The following MAGIX variants were observed in gnomAD, a reference collection of about 807,000 sequenced individuals.
MAGIX encodes MAGI family member, X-linked.
In MAGIX, 13 loss-of-function variants were observed where a neutral mutation model predicts 10.0. The observed-to-expected ratio is 1.30, with a 90% confidence interval of 0.84 to 2.06. MAGIX has a LOEUF of 2.06. Among genes scored for constraint, MAGIX ranks in the 30% most tolerant of loss-of-function variants. The pLI, the probability that MAGIX is intolerant of heterozygous loss-of-function variation, is 0.00. For missense variants in MAGIX, 235 were observed against 245.2 expected, an observed-to-expected ratio of 0.96 and a Z score of 0.28; for synonymous variants, 108 against 106.8, an observed-to-expected ratio of 1.01 and a Z score of -0.07.
intron 2 of MAGIX, 107 bp from the exon 3 acceptor site, chrX:49,164,600 G>A: frequency 1.5e-6 from 1 of 687,307 alleles, no homozygotes; most frequent in Non-Finnish European, 2.3e-6. Context: ...ATGAGCTGCA[G>A]GGGCAAGACA....
At chrX:49,166,824 C>A (rs782348330) in exon 5 of MAGIX, 29 of 130,858 alleles carry the variant, frequency 2.2e-4, no homozygotes, top group Non-Finnish European at 1.2e-4. Flanking sequence ...GTCTCCTGCT[C>A]CTCTCCTTAT....
intron 1 of MAGIX, 43 bp from the exon 2 acceptor site, chrX:49,163,740 C>G (rs200809649): frequency 1.9e-5 from 19 of 996,581 alleles, no homozygotes; most frequent in Middle Eastern, 4.2e-4. Context: ...AGGGGTTGGC[C>G]GAGGCCGAGG....
rs1180464378 is a variant in MAGIX at position 49,165,077 on chromosome X, G to T, written c.317G>T (p.Cys106Phe). The stretch of plus-strand genomic sequence containing the variant: ...CTGAAGGATGGCCCAGCACAGCGCT[G>T]TGGTCGTTTGGAGGTGAGCCCTGAA... Residue 106 changes from cysteine (C) to phenylalanine (F), a missense_variant, in exon 3 of 5, where the codon TGT becomes TTT. Transcript: ENST00000616266. 12 of 1,204,169 alleles carry T rather than the reference G, an allele frequency of 1.0e-5. No individual in the cohort carries two copies. The African/African-American group carries it at 1.9e-4, about 19-fold the overall frequency.
At chrX:49,166,757 A>G (rs1213351974) in exon 5 of MAGIX, 15 of 181,896 alleles carry the variant, frequency 8.2e-5, no homozygotes, top group Middle Eastern at 1.7e-3. Context: ...CTGCTTGCAC[A>G]TGTTATCTTT....
rs1232551902 is a variant in MAGIX at position 49,164,115 on chromosome X, G to A, written c.-55+186G>A. ...TTGGGGTTATTCTAGCATATTCCTT[G>A]AGGGTTATTGCAGTCGGCGAGGGCT... is the stretch of plus-strand genomic sequence containing the variant. On this transcript the variant is annotated intron_variant, in intron 2 of 4. Coordinates refer to ENST00000616266, the Ensembl canonical transcript of MAGIX. 4.0e-5 allele frequency: 14 copies of A among 353,102 alleles called. No homozygotes were observed. The East Asian group carries it at 7.0e-4, about 18-fold the overall frequency. 29.1% of individuals were successfully genotyped at this position (353,102 alleles called of 1,213,427 possible). A position where few individuals can be genotyped will look rare whatever the true frequency, so the allele number is the denominator to read the frequency against.
rs782467623 is a variant in MAGIX at position 49,163,776 on chromosome X, C to A, written c.-201-7C>A. The A allele has an allele frequency of 3.5e-5, 36 of 1,042,674 alleles. No individual in the cohort carries two copies. In the Admixed American group the frequency reaches 1.5e-3, roughly 43 times the overall value. 85.9% of individuals were successfully genotyped at this position (1,042,674 alleles called of 1,213,427 possible). A position where few individuals can be genotyped will look rare whatever the true frequency, so the allele number is the denominator to read the frequency against. The stretch of plus-strand genomic sequence containing the variant: ...GTCGGCGTTGACCTGTCCCCTCTTG[C>A]GCGCAGGCCGCGGCCCCTCCCCGCT... On this transcript the variant is annotated splice_polypyrimidine_tract_variant and splice_region_variant and intron_variant, in intron 1 of 4. Transcript: ENST00000616266.
rs782653736 is a variant in MAGIX at position 49,166,078 on chromosome X, G to A, written c.507G>A (p.Pro169=). Residue 169 remains proline (P), a synonymous_variant, in exon 5 of 5, where the codon CCG becomes CCA. Coordinates refer to ENST00000616266, the Ensembl canonical transcript of MAGIX. ...ACCACCCAATCTAATCCGTAGTCCC[G>A]TCATGGCCAGATCGCAGCCCAGATC... 9 of 1,208,549 alleles carry A rather than the reference G, an allele frequency of 7.4e-6. 1 individual carries two copies. In the African/African-American group the frequency reaches 1.4e-4, roughly 19 times the overall value.
At chrX:49,164,881 T>A in exon 3 of MAGIX, 5 of 1,212,016 alleles carry the variant, frequency 4.1e-6, no homozygotes, top group Non-Finnish European at 5.6e-6. Flanking sequence ...GTTAGAGACA[T>A]GTAACGCACC....
chrX:49,162,898 G>A, intron 1 of MAGIX: 1 of 892,766 alleles, frequency 1.1e-6, no homozygotes, highest in Admixed American at 4.1e-5. Flanking sequence ...CCATGGAGCC[G>A]CGCACAGGGG....
exon 5 of MAGIX, chrX:49,167,603 AGAGCTGG>A (rs2065376313): frequency 8.9e-6 from 1 of 112,698 alleles, no homozygotes; most frequent in Non-Finnish European, 1.9e-5. Flanking sequence ...ACAAGCTGCG[AGAGCTGG>A]GAGCTGGAGG....
exon 3 of MAGIX, chrX:49,164,992 C>T (rs2147862433): frequency 8.3e-7 from 1 of 1,210,844 alleles, no homozygotes; most frequent in Admixed American, 2.2e-5. Flanking sequence ...AGGCTTTGGC[C>T]TCACCTTAGG....
At chrX:49,162,873 C>T in intron 1 of MAGIX, 1 of 902,225 alleles carries the variant, frequency 1.1e-6, no homozygotes, top group African/African-American at 2.1e-5. Context: ...CTGCGTCCAC[C>T]CGGCGGACTA....
At chrX:49,162,680 C>T in exon 1 of MAGIX, 2 of 302,789 alleles carry the variant, frequency 6.6e-6, no homozygotes, top group Non-Finnish European at 1.2e-5. Context: ...AGTGCGGCGC[C>T]TGCAGCAGAG....
chrX:49,165,145 G>T (rs2065357586), intron 3 of MAGIX, 45 bp from the exon 5 acceptor site: 1 of 1,200,591 alleles, frequency 8.3e-7, no homozygotes, highest in Admixed American at 2.2e-5. Context: ...TTGTTGGGGT[G>T]CTCTCCTTTT....
chrX:49,168,658 T>C (rs1362175719), downstream of MAGIX, among the ~76,000 whole-genome samples: 1 of 102,800 alleles, frequency 9.7e-6, no homozygotes, highest in Admixed American at 1.1e-4. Context: ...ATGCCTGTAG[T>C]CCCAACTACT....
exon 5 of MAGIX, chrX:49,166,583 C>A (rs1205438804): frequency 4.8e-6 from 2 of 420,469 alleles, no homozygotes; most frequent in Non-Finnish European, 8.1e-6. Flanking sequence ...AGCCGGCTAG[C>A]CTGCGCTTCT....
exon 5 of MAGIX, chrX:49,166,658 G>A (rs1557098326): frequency 8.7e-6 from 3 of 344,855 alleles, no homozygotes; most frequent in Non-Finnish European, 1.5e-5. Flanking sequence ...CGCTCGAGGC[G>A]GGGTGGGGCT....
chrX:49,168,058 T>G (rs1179240559), exon 5 of MAGIX: 1 of 111,988 alleles, frequency 8.9e-6, no homozygotes, highest in African/African-American at 3.3e-5. Flanking sequence ...ACTGTATATG[T>G]TGCACTGTGC....
rs782724568 is a variant in MAGIX at position 49,165,383 on chromosome X, A to G, written c.502+22A>G. 3.5e-6 allele frequency: 4 copies of G among 1,130,985 alleles called. No individual in the cohort carries two copies. In the Admixed American group the frequency reaches 1.1e-4, roughly 32 times the overall value. The allele number at this position is 1,130,985 out of a possible 1,213,427, so 93.2% of individuals were successfully genotyped here. ...GTTGGTGGGTTTCCCAAGGGAGAGA[A>G]GTCAGAGATCAGTGAGGAGAAGGGA... On this transcript the variant is annotated intron_variant, in intron 4 of 4. Transcript: ENST00000616266.
Sources: allele counts gnomAD v4.1 joint callset (sites outside exome capture counted in the v4.1 genomes callset), GRCh38; gene constraint gnomAD v4.1.1; transcripts MANE v1.5; gene names NCBI Gene and HGNC (gene_info 2026-07-23, HGNC 2026-07-21).